Variants in MANEAL observed in about 807,000 individuals in gnomAD.
The protein encoded by MANEAL is glycoprotein endo-alpha-1,2-mannosidase-like protein.
In MANEAL, 28 loss-of-function variants were observed where a neutral mutation model predicts 35.9. That is an observed-to-expected ratio of 0.78 (90% CI 0.58 to 1.07). The LOEUF (loss-of-function observed/expected upper bound fraction) is 1.07, where lower values mean the gene tolerates loss of function less well. Among genes scored for constraint, MANEAL ranks in the 50% least tolerant of loss-of-function variants. The pLI is 0.00. For missense variants in MANEAL, 576 were observed against 629.6 expected, an observed-to-expected ratio of 0.91 and a Z score of 0.91; for synonymous variants, 286 against 272.2, an observed-to-expected ratio of 1.05 and a Z score of -0.50.
At position 37,799,539 on chromosome 1, in the gene MANEAL, AGCTGAG is replaced by A. The variant is rs1646675648; in HGVS notation, c.738-24_738-19del. The A allele has an allele frequency of 6.2e-7, 1 of 1,601,502 alleles. No individual in the cohort carries two copies. The highest frequency in any genetic ancestry group is 8.5e-7 in the Non-Finnish European group (1 of 1,173,880). On this transcript the variant is annotated intron_variant, in intron 3 of 3. Transcript: ENST00000373045. This position sits in a 1 kb window ranked among gnomAD's most constrained non-coding sequence, Gnocchi z 4.1. Reference sequence around the variant, plus strand: ...ACAGCTGTGCTGGTCTCTCCCATCCAGCTGAGGCTCTTCTTTCTCCTTCTCAGGTAT... The same window carrying A: ...ACAGCTGTGCTGGTCTCTCCCATCCAGCTCTTCTTTCTCCTTCTCAGGTAT...
intron 3 of MANEAL, among the ~76,000 whole-genome samples, chr1:37,797,030 T>C (rs987852764): frequency 2.6e-5 from 4 of 152,220 alleles, no homozygotes; most frequent in Non-Finnish European, 5.9e-5. Context: ...GCAAGCCTCT[T>C]AACCTTTGAG....
rs1227163782 is a variant in MANEAL, at chr1:37,799,608, T to C, written c.779T>C (p.Met260Thr). 1.9e-6 allele frequency: 3 copies of C among 1,614,068 alleles called. No homozygotes were observed. The highest frequency in any genetic ancestry group is 2.2e-5 in the East Asian group (1 of 44,894). Residue 260 changes from methionine (M) to threonine (T), a missense_variant, in exon 4 of 4, where the codon ATG (methionine) becomes ACG (threonine). Coordinates refer to ENST00000373045, the MANE Select transcript of MANEAL (RefSeq NM_001113482.2). The surrounding 1 kb of genome is among the most constrained non-coding windows in gnomAD (Gnocchi z 4.1). Reference protein sequence around the residue: ...HGAFYRYKNSMGKSLPLFYIY... With the variant: ...HGAFYRYKNSTGKSLPLFYIY... ...GCATTTTACCGCTATAAGAACAGCA[T>C]GGGCAAGAGCCTCCCACTCTTTTAT...
intron 2 of MANEAL, 50 bp downstream of exon 2, chr1:37,795,896 T>A: frequency 6.6e-7 from 1 of 1,514,688 alleles, no homozygotes; most frequent in Non-Finnish European, 9.2e-7. Flanking sequence ...TCTGGAGAGT[T>A]GCTCTCCTCC....
Position 37,799,402 on chromosome 1 carries a change from A to C in MANEAL, c.738-165A>C, listed in dbSNP as rs2148387001. ...AGGCTTAGGAATGACAACTGGAGAG[A>C]GGAAGGAGGGAACCAGGTTCTTGCT... On this transcript the variant is annotated intron_variant, in intron 3 of 3. Transcript: ENST00000373045. The surrounding 1 kb of genome is among the most constrained non-coding windows in gnomAD (Gnocchi z 4.1). Among the ~76,000 whole-genome samples, 1 of 152,242 alleles carries C rather than the reference A, an allele frequency of 6.6e-6. No individual in the cohort carries two copies. Among genetic ancestry groups the C allele is most frequent in the African/African-American group, 2.4e-5 (1 of 41,534 alleles).
At position 37,800,191 on chromosome 1, in the gene MANEAL, G is replaced by C. The variant is rs747213969; in HGVS notation, c.1362G>C (p.Gln454His). The change falls in exon 4 of 4, where the codon CAG (glutamine) becomes CAC (histidine). Residue 454 changes from glutamine to histidine, a missense_variant. By Grantham distance (24) the Gln-to-His change is conservative. This residue lies in a region of MANEAL where 449 missense variants were observed against 516.1 expected (regional missense o/e 0.87). Transcript: ENST00000373045. ...AGCACTTCATCAAAGAGAAGGAGCA[G>C]TGGCTCATGTGAGGGGCCTGTAAAT... ...WAEHFIKEKE[Q>H]WLM The C allele has an allele frequency of 6.2e-7, 1 of 1,612,896 alleles. No homozygotes were observed.
At chr1:37,796,930 A>G in intron 3 of MANEAL, 110 bp downstream of exon 3, 1 of 1,078,762 alleles carries the variant, frequency 9.3e-7, no homozygotes, top group Non-Finnish European at 1.4e-6. Context: ...TGTGTTTCCC[A>G]GCAGCTGTTT....
Position 37,794,416 on chromosome 1 carries a change from G to A in MANEAL, c.234G>A (p.Ala78=). 7.5e-7 allele frequency: 1 copy of A among 1,336,364 alleles called. No homozygotes were observed. The highest frequency in any genetic ancestry group is 3.1e-5 in the East Asian group (1 of 32,036). The allele number at this position is 1,336,364 out of a possible 1,614,324, so 82.8% of individuals were successfully genotyped here. ...CGCCGCCGCCGCCGCCCCGCACCGC[G>A]GACCCTGGCGGCTCCCCTGGGCCGG... ...PPPPPPPPRT[A]DPGGSPGPAP... Residue 78 remains alanine, a synonymous_variant, in exon 1 of 4, where the codon GCG becomes GCA. Coordinates refer to ENST00000373045, the MANE Select transcript of MANEAL (RefSeq NM_001113482.2). The surrounding 1 kb of genome is among the most constrained non-coding windows in gnomAD (Gnocchi z 5.7).
chr1:37,794,905 C>G lies in MANEAL; in HGVS notation c.550+173C>G, dbSNP rs1193384563. Among the ~76,000 whole-genome samples the G allele has an allele frequency of 2.0e-5, 3 of 152,208 alleles. No homozygotes were observed. Among genetic ancestry groups the G allele is most frequent in the African/African-American group, 7.2e-5 (3 of 41,452 alleles). On this transcript the variant is annotated intron_variant, in intron 1 of 3. Coordinates refer to ENST00000373045, the MANE Select transcript of MANEAL (RefSeq NM_001113482.2). The surrounding 1 kb of genome is among the most constrained non-coding windows in gnomAD (Gnocchi z 5.7). ...CTGGGCCCACCATGCGACACCGCCC[C>G]TCCGTCTAGTATTCAGACCCCCCAG...
At position 37,799,917 on chromosome 1, in the gene MANEAL, T is replaced by A. The variant is rs377200093; in HGVS notation, c.1088T>A (p.Ile363Lys). 3.7e-6 allele frequency: 6 copies of A among 1,614,064 alleles called. No homozygotes were observed. The Admixed American group carries it at 8.3e-5, about 22-fold the overall frequency. The stretch of plus-strand genomic sequence containing the variant: ...ATCCCCAGTGTGGGGCCTGGCTACA[T>A]AGACACCAGCATTCGGCCCTGGAAC... ...MFIPSVGPGY[I>K]DTSIRPWNNH... Residue 363 changes from isoleucine to lysine, a missense_variant, in exon 4 of 4, where the codon ATA becomes AAA. Physicochemically the swap from Ile to Lys is moderately radical, Grantham distance 102 (BLOSUM62 -3). Transcript: ENST00000373045. The surrounding 1 kb of genome is among the most constrained non-coding windows in gnomAD (Gnocchi z 4.1).
chr1:37,796,126 C>A (rs1646643455), intron 2 of MANEAL, among the ~76,000 whole-genome samples: 1 of 152,100 alleles, frequency 6.6e-6, no homozygotes, highest in South Asian at 2.1e-4. Context: ...AGGTTGTAAA[C>A]CCTGGTGGAA....
rs1441271802 is a variant in MANEAL at position 37,800,926 on chromosome 1, G to C, written c.*723G>C. The C allele has an allele frequency of 6.6e-6, 1 of 152,610 alleles. No homozygotes were observed. The highest frequency in any genetic ancestry group is 6.5e-5 in the Admixed American group (1 of 15,276). 9.5% of individuals were successfully genotyped at this position (152,610 alleles called of 1,614,324 possible). A position where few individuals can be genotyped will look rare whatever the true frequency, so the allele number is the denominator to read the frequency against. ...GTTTTTCTTTTTGCAGTTTTACCTAGTGCTGGGAGTTCAGTTCTTTTTCCT... is the reference window on the plus strand; with the variant it reads ...GTTTTTCTTTTTGCAGTTTTACCTACTGCTGGGAGTTCAGTTCTTTTTCCT... On this transcript the variant is annotated 3_prime_UTR_variant, in exon 4 of 4. Coordinates refer to ENST00000373045, the MANE Select transcript of MANEAL (RefSeq NM_001113482.2).
chr1:37,794,310 A>T lies in MANEAL; in HGVS notation c.128A>T (p.Glu43Val). 1 of 1,168,228 alleles carries T rather than the reference A, an allele frequency of 8.6e-7. No homozygotes were observed. The highest frequency in any genetic ancestry group is 1.1e-6 in the Non-Finnish European group (1 of 942,386). 72.4% of individuals were successfully genotyped at this position (1,168,228 alleles called of 1,614,324 possible). A position where few individuals can be genotyped will look rare whatever the true frequency, so the allele number is the denominator to read the frequency against. The change falls in exon 1 of 4, where the codon GAG (glutamate) becomes GTG (valine). Residue 43 changes from glutamate to valine, a missense_variant. Transcript: ENST00000373045. This position sits in a 1 kb window ranked among gnomAD's most constrained non-coding sequence, Gnocchi z 5.7. ...CTCCCGGCGCTGGGCCCGGGCCTGG[A>T]GCTGGCGCCCTTTGAGCGACGCCCA... ...DGLPALGPGL[E>V]LAPFERRPEG...
chr1:37,800,272 A>G lies in MANEAL; in HGVS notation c.*69A>G. 1 of 1,563,118 alleles carries G rather than the reference A, an allele frequency of 6.4e-7. No individual in the cohort carries two copies. Among genetic ancestry groups the G allele is most frequent in the Non-Finnish European group, 8.6e-7 (1 of 1,156,506 alleles). On this transcript the variant is annotated 3_prime_UTR_variant, in exon 4 of 4. Transcript: ENST00000373045. ...TGGAAGATGTCACCATGTGGGGTTC[A>G]GCTGAGGTTGTAGCCACTCACTCGT...
At chr1:37,795,468 G>A in intron 1 of MANEAL, 4 of 1,289,726 alleles carry the variant, frequency 3.1e-6, no homozygotes, top group Non-Finnish European at 4.0e-6. Context: ...CATTCCCTTT[G>A]TTCTACTACT....
chr1:37,796,455 G>A (rs1368038531), intron 2 of MANEAL, among the ~76,000 whole-genome samples: 1 of 152,164 alleles, frequency 6.6e-6, no homozygotes, highest in South Asian at 2.1e-4. Context: ...ACTGTTTCAG[G>A]CAGCTAGCAC....
rs543271543 is a variant in MANEAL, at chr1:37,794,398, G to T, written c.216G>T (p.Pro72=). The T allele has an allele frequency of 4.3e-6, 5 of 1,161,926 alleles. No individual in the cohort carries two copies. The highest frequency in any genetic ancestry group is 5.3e-6 in the Non-Finnish European group (5 of 942,832). The allele number at this position is 1,161,926 out of a possible 1,614,324, so 72.0% of individuals were successfully genotyped here. A position where few individuals can be genotyped will look rare whatever the true frequency, so the allele number is the denominator to read the frequency against. The stretch of plus-strand genomic sequence containing the variant: ...CCCCTGCCGCGCCGCCCCCGCCGCC[G>T]CCGCCGCCCCGCACCGCGGACCCTG... ...PAAPAAPPPP[P]PPPRTADPGG... Residue 72 remains proline, a synonymous_variant, in exon 1 of 4, where the codon CCG becomes CCT. Coordinates refer to ENST00000373045, the MANE Select transcript of MANEAL (RefSeq NM_001113482.2). The surrounding 1 kb of genome is among the most constrained non-coding windows in gnomAD (Gnocchi z 5.7).
In MANEAL at chr1:37,793,945, G is replaced by GTTCGC. The variant is rs953160672; in HGVS notation, c.-236_-232dup. Reference sequence around the variant, plus strand: ...TGCTCCTGTGGCCCCGAAACTCGCCGTTCGCTGGGCCTTGCGTTGCACTCG... The same window carrying GTTCGC: ...TGCTCCTGTGGCCCCGAAACTCGCCGTTCGCTTCGCTGGGCCTTGCGTTGCACTCG... On this transcript the variant is annotated 5_prime_UTR_variant, in exon 1 of 4. Coordinates refer to ENST00000373045, the MANE Select transcript of MANEAL (RefSeq NM_001113482.2). 1.6e-4 allele frequency: 26 copies of GTTCGC among 164,800 alleles called. No individual in the cohort carries two copies. Among genetic ancestry groups the GTTCGC allele is most frequent in the African/African-American group, 6.2e-4 (26 of 41,668 alleles). The allele number at this position is 164,800 out of a possible 1,614,324, so 10.2% of individuals were successfully genotyped here.
Position 37,799,671 on chromosome 1 carries a change from C to A in MANEAL, c.842C>A (p.Ala281Asp). The A allele has an allele frequency of 6.2e-7, 1 of 1,614,190 alleles. No individual in the cohort carries two copies. Among genetic ancestry groups the A allele is most frequent in the Non-Finnish European group, 8.5e-7 (1 of 1,180,032 alleles). The change falls in exon 4 of 4, where the codon GCC becomes GAC. Residue 281 changes from alanine (A) to aspartate (D), a missense_variant. Ala to Asp is a moderately radical substitution (Grantham distance 126, BLOSUM62 -2). Transcript: ENST00000373045. The surrounding 1 kb of genome is among the most constrained non-coding windows in gnomAD (Gnocchi z 4.1). ...DSYLTSPEAW[A>D]HLLTPNGPHS... ...TACCTGACGTCCCCTGAGGCCTGGG[C>A]CCACCTCCTGACACCAAACGGGCCC...
chr1:37,800,393 A>G lies in MANEAL; in HGVS notation c.*190A>G. On this transcript the variant is annotated 3_prime_UTR_variant, in exon 4 of 4. Transcript: ENST00000373045. Reference sequence around the variant, plus strand: ...CCCGTTCCTCAGGCGAGTGGTGCTGAGGTGCTCTGTGGTGATGGGAACGGC... The same window carrying G: ...CCCGTTCCTCAGGCGAGTGGTGCTGGGGTGCTCTGTGGTGATGGGAACGGC... 1.5e-6 allele frequency: 1 copy of G among 677,588 alleles called. No individual in the cohort carries two copies. Among genetic ancestry groups the G allele is most frequent in the Non-Finnish European group, 2.5e-6 (1 of 407,782 alleles). 42.0% of individuals were successfully genotyped at this position (677,588 alleles called of 1,614,324 possible).
Sources: gnomAD v4.1 joint callset for allele counts (sites outside exome capture counted in the v4.1 genomes callset) on GRCh38, gnomAD v4.1.1 for gene constraint, gnomAD v4.1.1 regional missense constraint, Gnocchi (gnomAD v3.1) non-coding constraint, MANE v1.5 for transcripts, NCBI Gene and HGNC (gene_info 2026-07-23, HGNC 2026-07-21) for gene names.